MFHAS1: variants seen among roughly 807,000 people sequenced by gnomAD.
The protein encoded by MFHAS1 is multifunctional ROCO family signaling regulator 1.
A neutral mutation model predicts 70.4 loss-of-function variants in MFHAS1; 50 were observed. The observed-to-expected ratio is 0.71, with a 90% confidence interval of 0.57 to 0.90. The LOEUF is 0.90. MFHAS1 is among the 40% of genes least tolerant of loss of function. MFHAS1 has a pLI of 0.00. For missense variants in MFHAS1, 1,795 were observed against 1,347.6 expected (o/e 1.33, Z -5.20); for synonymous variants, 952 against 620.0 (o/e 1.54, Z -7.96).
intron 1 of MFHAS1, among the ~76,000 whole-genome samples, chr8:8,810,355 G>C (rs183037697): frequency 1.7e-3 from 256 of 152,292 alleles, no homozygotes; most frequent in African/African-American, 5.8e-3. Flanking sequence ...GGCAAAGCAA[G>C]ACCGTCTTGG....
At chr8:8,857,714 C>T (rs1373343843) in intron 1 of MFHAS1, among the ~76,000 whole-genome samples, 3 of 151,472 alleles carry the variant, frequency 2.0e-5, no homozygotes, top group Non-Finnish European at 4.4e-5. Flanking sequence ...GAGCCAAGAT[C>T]GCACCAAGGC....
chr8:8,795,154 A>G (rs1158876866), intron 2 of MFHAS1, among the ~76,000 whole-genome samples: 10 of 152,128 alleles, frequency 6.6e-5, no homozygotes, highest in Non-Finnish European at 1.3e-4. Context: ...TCTGTTTCAT[A>G]CCTTGCTGGT....
intron 2 of MFHAS1, among the ~76,000 whole-genome samples, chr8:8,788,748 G>A (rs1281722841): frequency 6.6e-6 from 1 of 152,214 alleles, no homozygotes; most frequent in African/African-American, 2.4e-5. Flanking sequence ...GGATGGTTAC[G>A]GGAGGCTCCC....
chr8:8,842,758 G>A (rs1051773945), intron 1 of MFHAS1, among the ~76,000 whole-genome samples: 1 of 152,136 alleles, frequency 6.6e-6, no homozygotes, highest in Non-Finnish European at 1.5e-5. Flanking sequence ...GAGAAGCAAT[G>A]CCCTAATCCT....
chr8:8,851,393 A>C (rs1479450455), intron 1 of MFHAS1, among the ~76,000 whole-genome samples: 1 of 152,248 alleles, frequency 6.6e-6, no homozygotes, highest in East Asian at 1.9e-4. Context: ...ACAAACAGTC[A>C]GCACACAAAC....
At chr8:8,873,189 G>T (rs562767254) in intron 1 of MFHAS1, among the ~76,000 whole-genome samples, 1 of 152,102 alleles carries the variant, frequency 6.6e-6, no homozygotes, top group Non-Finnish European at 1.5e-5. Context: ...ATAGCCCTCC[G>T]GAATCAAAGT....
intron 1 of MFHAS1, among the ~76,000 whole-genome samples, chr8:8,864,851 G>A (rs977863999): frequency 2.6e-5 from 4 of 152,180 alleles, no homozygotes; most frequent in African/African-American, 9.7e-5. Flanking sequence ...ATATCATAAA[G>A]TTATATAACA....
At chr8:8,810,065 T>G (rs1406610337) in intron 1 of MFHAS1, among the ~76,000 whole-genome samples, 7 of 152,224 alleles carry the variant, frequency 4.6e-5, no homozygotes, top group Admixed American at 4.6e-4. Context: ...TGTGAAGTCC[T>G]TAATAATGAT....
rs1222024063 is a variant in MFHAS1 at position 8,816,357 on chromosome 8, C to G, written c.2999-18866G>C. The stretch of plus-strand genomic sequence containing the variant: ...ACAAAACCCTATGGTTAACCCAAAA[C>G]CTAAACTATCACCAAGAAATATCAA... On this transcript the variant is annotated intron_variant, in intron 1 of 2. Coordinates refer to ENST00000276282, the MANE Select transcript of MFHAS1 (RefSeq NM_004225.3). Among the ~76,000 whole-genome samples, 59 of 152,166 alleles carry G rather than the reference C, an allele frequency of 3.9e-4. 1 individual carries two copies. Among genetic ancestry groups the G allele is most frequent in the Non-Finnish European group, 1.2e-4 (8 of 68,032 alleles).
At chr8:8,844,599 C>T (rs2116859856) in intron 1 of MFHAS1, among the ~76,000 whole-genome samples, 1 of 152,348 alleles carries the variant, frequency 6.6e-6, no homozygotes, top group South Asian at 2.1e-4. Context: ...CGGGCATAAA[C>T]GGGAAGCTCC....
chr8:8,790,322 A>G (rs1805680285), intron 2 of MFHAS1: 1 of 959,264 alleles, frequency 1.0e-6, no homozygotes, highest in South Asian at 4.8e-5. Context: ...ACGGAGACTT[A>G]CCCTTAAAAA....
intron 1 of MFHAS1, among the ~76,000 whole-genome samples, chr8:8,884,827 G>A (rs1021362988): frequency 3.3e-5 from 5 of 152,008 alleles, no homozygotes; most frequent in Non-Finnish European, 7.4e-5. Context: ...GGGTGTTTCT[G>A]GAGTCCCAGC....
At chr8:8,807,509 T>A (rs960302532) in intron 1 of MFHAS1, among the ~76,000 whole-genome samples, 11 of 152,224 alleles carry the variant, frequency 7.2e-5, no homozygotes, top group African/African-American at 2.7e-4. Context: ...CCTTTGAATG[T>A]TAATAAATTT....
chr8:8,827,756 T>G (rs1482616727), intron 1 of MFHAS1, among the ~76,000 whole-genome samples: 1 of 152,240 alleles, frequency 6.6e-6, no homozygotes, highest in Admixed American at 6.5e-5. Flanking sequence ...TTAGCCTTTT[T>G]CTTTACAGCT....
At chr8:8,858,268 G>T (rs1194328490) in intron 1 of MFHAS1, among the ~76,000 whole-genome samples, 1 of 152,118 alleles carries the variant, frequency 6.6e-6, no homozygotes. Flanking sequence ...ATTTTATTCA[G>T]TCCTTACAAG....
At chr8:8,792,630 C>CA (rs952603687) in intron 2 of MFHAS1, among the ~76,000 whole-genome samples, 3 of 151,658 alleles carry the variant, frequency 2.0e-5, no homozygotes, top group Non-Finnish European at 2.9e-5. Context: ...AAAAACAAAC[C>CA]AAAAAAAACT....
chr8:8,858,004 T>A (rs572126750), intron 1 of MFHAS1, among the ~76,000 whole-genome samples: 53 of 152,304 alleles, frequency 3.5e-4, no homozygotes, highest in African/African-American at 1.3e-3. Flanking sequence ...ATAGCTGAGC[T>A]GAACAAAACA....
chr8:8,789,012 G>A (rs1169773691), intron 2 of MFHAS1, among the ~76,000 whole-genome samples: 1 of 152,190 alleles, frequency 6.6e-6, no homozygotes, highest in African/African-American at 2.4e-5. Flanking sequence ...AACAGGGAGA[G>A]ATGTGATGAG....
chr8:8,791,833 C>A (rs1805728758), intron 2 of MFHAS1, among the ~76,000 whole-genome samples: 1 of 152,186 alleles, frequency 6.6e-6, no homozygotes, highest in Non-Finnish European at 1.5e-5. Flanking sequence ...CCAAGCAGCT[C>A]CAGCTCCTCT....
Sources: gnomAD v4.1 joint callset for allele counts (sites outside exome capture counted in the v4.1 genomes callset) on GRCh38, gnomAD v4.1.1 for gene constraint, MANE v1.5 for transcripts, NCBI Gene and HGNC (gene_info 2026-07-23, HGNC 2026-07-21) for gene names.